Variants in HMX1 observed in about 807,000 individuals in gnomAD.
The protein encoded by HMX1 is H6 family homeobox 1, also known as homeobox protein HMX1.
HMX1 carries 8 observed loss-of-function variants against 8.9 expected under a neutral mutation model. The ratio of observed to expected loss-of-function variants is 0.90; its 90% CI spans 0.53 to 1.63. HMX1 has a LOEUF of 1.63. Among genes scored for constraint, HMX1 ranks in the 40% most tolerant of loss-of-function variants. HMX1 has a pLI of 0.00. For missense variants in HMX1, 621 were observed against 558.5 expected (o/e 1.11, Z -1.13); for synonymous variants, 311 against 283.4 (o/e 1.10, Z -0.98).
Position 8,849,365 on chromosome 4 carries a change from C to T in HMX1, c.395-3041G>A, listed in dbSNP as rs1031787695. ...AAAGAGAACTTTGGACACAGACTCA[C>T]TAGAGGCAGGGCAGCGTGAAGCCAA... is the stretch of plus-strand genomic sequence containing the variant. On this transcript the variant is annotated intron_variant, in intron 1 of 1. Transcript: ENST00000506970. The surrounding 1 kb of genome is among the most constrained non-coding windows in gnomAD (Gnocchi z 6.6). Among the ~76,000 whole-genome samples the T allele has an allele frequency of 6.6e-6, 1 of 151,992 alleles. No homozygotes were observed. The highest frequency in any genetic ancestry group is 6.5e-5 in the Admixed American group (1 of 15,268).
At chr4:8,862,590 C>T (rs561979331), downstream of HMX1, among the ~76,000 whole-genome samples, 3 of 152,166 alleles carry the variant, frequency 2.0e-5, no homozygotes, top group African/African-American at 7.2e-5. Flanking sequence ...TGCATTTTCA[C>T]TGATAATAAC....
chr4:8,865,677 G>A (rs1330266700), downstream of HMX1, among the ~76,000 whole-genome samples: 2 of 151,976 alleles, frequency 1.3e-5, no homozygotes, highest in African/African-American at 4.8e-5. Context: ...GGGGCGGGGG[G>A]TGAGGGTTGG....
At chr4:8,856,744 G>C (rs1374833934) in intron 1 of HMX1, among the ~76,000 whole-genome samples, 1 of 152,122 alleles carries the variant, frequency 6.6e-6, no homozygotes. Context: ...TTCGTGCCTT[G>C]GCGATGCATT....
rs1721335317 is a variant in HMX1, at chr4:8,848,269, T to C, written c.395-1945A>G. 6.6e-6 allele frequency among the ~76,000 whole-genome samples: 1 copy of C among 152,314 alleles called. No homozygotes were observed. The highest frequency in any genetic ancestry group is 2.4e-5 in the African/African-American group (1 of 41,580). On this transcript the variant is annotated intron_variant, in intron 1 of 1. Transcript: ENST00000506970. This position sits in a 1 kb window ranked among gnomAD's most constrained non-coding sequence, Gnocchi z 4.1. ...TTTTTATATTGATTGCATACTGAAA[T>C]GGTAATTTTGAACATGTTGGATGAA...
chr4:8,867,697 AC>A lies in HMX1; in HGVS notation c.1042del (p.Val348CysfsTer62). 7.9e-7 allele frequency: 1 copy of A among 1,261,156 alleles called. No individual in the cohort carries two copies. Among genetic ancestry groups the A allele is most frequent in the South Asian group, 3.2e-5 (1 of 31,156 alleles). 78.1% of individuals were successfully genotyped at this position (1,261,156 alleles called of 1,614,324 possible). On this transcript the variant is annotated frameshift_variant, in exon 2 of 2. Transcript: ENST00000400677. LOFTEE classifies it high-confidence loss of function. ...AGAGGGCCCGGCAGGCGGGGCTCACACCAGGCCAGGCATCTGCGCCCGCAGA... is the reference window on the plus strand; with the variant it reads ...AGAGGGCCCGGCAGGCGGGGCTCACACAGGCCAGGCATCTGCGCCCGCAGA... ...PFLRAQMPGL[V>X]
Position 8,871,201 on chromosome 4 carries a change from C to G in HMX1, c.394+20G>C. ...GTCGGGCCCCACCGCCTGACCCACC[C>G]TCCCCGCGCCCTCACTCACTGTCAG... On this transcript the variant is annotated intron_variant, in intron 1 of 1. Transcript: ENST00000400677. The surrounding 1 kb of genome is among the most constrained non-coding windows in gnomAD (Gnocchi z 4.8). The G allele has an allele frequency of 7.1e-7, 1 of 1,407,532 alleles. No individual in the cohort carries two copies. The highest frequency in any genetic ancestry group is 9.2e-7 in the Non-Finnish European group (1 of 1,087,792). The allele number at this position is 1,407,532 out of a possible 1,614,324, so 87.2% of individuals were successfully genotyped here. A position where few individuals can be genotyped will look rare whatever the true frequency, so the allele number is the denominator to read the frequency against.
rs1722041403 is a variant in HMX1, at chr4:8,867,495, G to A, written c.*198C>T. 1 of 1,172,278 alleles carries A rather than the reference G, an allele frequency of 8.5e-7. No homozygotes were observed. Among genetic ancestry groups the A allele is most frequent in the Non-Finnish European group, 1.1e-6 (1 of 950,390 alleles). The allele number at this position is 1,172,278 out of a possible 1,614,324, so 72.6% of individuals were successfully genotyped here. ...GGGGATCCAGCCTGGCAAATGGGTG[G>A]GGCGTCCCATTACATTCTAGAGGCG... On this transcript the variant is annotated 3_prime_UTR_variant, in exon 2 of 2. Transcript: ENST00000400677.
chr4:8,858,870 T>G (rs1721701982), intron 1 of HMX1: 1 of 152,308 alleles, frequency 6.6e-6, no homozygotes. Context: ...AAAGACTCGG[T>G]TTCCACTGGG....
In HMX1 at chr4:8,847,962, G is replaced by A. The variant is rs1001766307; in HGVS notation, c.395-1638C>T. Among the ~76,000 whole-genome samples the A allele has an allele frequency of 6.6e-6, 1 of 152,140 alleles. No homozygotes were observed. Among genetic ancestry groups the A allele is most frequent in the Non-Finnish European group, 1.5e-5 (1 of 68,022 alleles). ...CTTTACGGTAACTGGAACAGGCTCC[G>A]ACTCCCTGGAGCGCCAGGTCCAGGG... On this transcript the variant is annotated intron_variant, in intron 1 of 1. Transcript: ENST00000506970. The surrounding 1 kb of genome is among the most constrained non-coding windows in gnomAD (Gnocchi z 6.0).
chr4:8,863,821 T>C (rs4515243), downstream of HMX1, among the ~76,000 whole-genome samples: 10,063 of 152,318 alleles, frequency 0.066, 1,096 homozygotes, highest in African/African-American at 0.22. Flanking sequence ...AGGATTCCAG[T>C]AGCTCCGATC....
At chr4:8,857,570 C>T (rs537719750) in intron 1 of HMX1, among the ~76,000 whole-genome samples, 1 of 152,322 alleles carries the variant, frequency 6.6e-6, no homozygotes, top group South Asian at 2.1e-4. Context: ...GCCTCGGCCT[C>T]CGCACCCCCC....
rs1721335513 is a variant in HMX1, at chr4:8,848,282, C to A, written c.395-1958G>T. ...TGCATACTGAAATGGTAATTTTGAA[C>A]ATGTTGGATGAAATTATCATTTATT... On this transcript the variant is annotated intron_variant, in intron 1 of 1. Coordinates refer to the HMX1 transcript ENST00000506970. The surrounding 1 kb of genome is among the most constrained non-coding windows in gnomAD (Gnocchi z 4.1). Among the ~76,000 whole-genome samples the A allele has an allele frequency of 6.6e-6, 1 of 152,126 alleles. No individual in the cohort carries two copies. Among genetic ancestry groups the A allele is most frequent in the African/African-American group, 2.4e-5 (1 of 41,428 alleles).
rs544861873 is a variant in HMX1 at position 8,870,869 on chromosome 4, C to A, written c.394+352G>T. Among the ~76,000 whole-genome samples the A allele has an allele frequency of 4.0e-4, 59 of 148,606 alleles. No homozygotes were observed. The highest frequency in any genetic ancestry group is 1.4e-3 in the African/African-American group (58 of 40,412). On this transcript the variant is annotated intron_variant, in intron 1 of 1. Transcript: ENST00000400677. The surrounding 1 kb of genome is among the most constrained non-coding windows in gnomAD (Gnocchi z 4.4). ...TCCATCCTCCCATTTTCTTTCTCAG[C>A]CTCTTTCGCCTTCTCCTGTATCTTT...
At chr4:8,861,963 C>T (rs1359291834) in intron 1 of HMX1, among the ~76,000 whole-genome samples, 1 of 152,246 alleles carries the variant, frequency 6.6e-6, no homozygotes, top group African/African-American at 2.4e-5. Context: ...GTGGGTGACT[C>T]GGGCTGGGGA....
Position 8,868,298 on chromosome 4 carries a change from C to A in HMX1, c.442G>T (p.Glu148Ter). The A allele has an allele frequency of 6.9e-7, 1 of 1,443,154 alleles. No homozygotes were observed. Among genetic ancestry groups the A allele is most frequent in the Non-Finnish European group, 9.1e-7 (1 of 1,104,094 alleles). 89.4% of individuals were successfully genotyped at this position (1,443,154 alleles called of 1,614,324 possible). The change falls in exon 2 of 2, where the codon GAG becomes TAG. Residue 148 changes from glutamate (E) to a stop codon, truncating the protein, a stop_gained. Coordinates refer to ENST00000400677, the MANE Select transcript of HMX1 (RefSeq NM_018942.3). LOFTEE classifies it low-confidence loss of function (END_TRUNC). This position sits in a 1 kb window ranked among gnomAD's most constrained non-coding sequence, Gnocchi z 4.6. Reference sequence around the variant, plus strand: ...CCGGGGCCTCGCGGCCAGGCGCCCTCCGCACGGCCCATCTCCTCGCCCGTC... The same window carrying A: ...CCGGGGCCTCGCGGCCAGGCGCCCTACGCACGGCCCATCTCCTCGCCCGTC... ...PETGEEMGRA[E>*]GAWPRGPGPG...
At position 8,867,834 on chromosome 4, in the gene HMX1, C is replaced by T. The variant is rs757578757; in HGVS notation, c.906G>A (p.Leu302=). ...AAAAAGPPAT[L]PFPLAPAAPA... ...GCGCGGCGGGCGCCAGCGGGAAGGG[C>T]AGGGTGGCCGGGGGCCCAGCGGCGG... The change falls in exon 2 of 2, where the codon CTG becomes CTA. Residue 302 remains leucine (L), a synonymous_variant. Coordinates refer to ENST00000400677, the MANE Select transcript of HMX1 (RefSeq NM_018942.3). The T allele has an allele frequency of 3.2e-6, 4 of 1,236,172 alleles. No homozygotes were observed. In the South Asian group the frequency reaches 1.4e-4, roughly 44 times the overall value. The allele number at this position is 1,236,172 out of a possible 1,614,324, so 76.6% of individuals were successfully genotyped here.
chr4:8,857,490 G>A (rs576704241), intron 1 of HMX1, among the ~76,000 whole-genome samples: 58 of 152,244 alleles, frequency 3.8e-4, no homozygotes, highest in Admixed American at 1.2e-3. Context: ...CCGAGTTTCC[G>A]CACCCGGTGG....
chr4:8,856,515 G>C (rs1218567619), intron 1 of HMX1, among the ~76,000 whole-genome samples: 1 of 152,098 alleles, frequency 6.6e-6, no homozygotes, highest in Admixed American at 6.5e-5. Context: ...GGGGGCACTA[G>C]GTCTCTCTGA....
At chr4:8,846,359 A>AG (rs1209810574) in intron 1 of HMX1, 76 of 1,472,836 alleles carry the variant, frequency 5.2e-5, no homozygotes, top group Non-Finnish European at 7.0e-5. Context: ...TGGGAGCACT[A>AG]GTCATGTCTG....
Sources: gnomAD v4.1 joint callset for allele counts (sites outside exome capture counted in the v4.1 genomes callset) on GRCh38, gnomAD v4.1.1 for gene constraint, Gnocchi (gnomAD v3.1) non-coding constraint, MANE v1.5 for transcripts, NCBI Gene and HGNC (gene_info 2026-07-23, HGNC 2026-07-21) for gene names.